The following GRIK4 variants were observed in gnomAD, a reference collection of about 807,000 sequenced individuals.
GRIK4 encodes the protein glutamate ionotropic receptor kainate type subunit 4.
Under a neutral mutation model 104.9 loss-of-function variants are expected in GRIK4, and 40 were observed. The observed-to-expected ratio is 0.38, with a 90% CI of 0.30 to 0.50. GRIK4 has a LOEUF of 0.50. Ranked by LOEUF, GRIK4 falls within the 20% of genes least tolerant of loss-of-function variation. GRIK4 has a pLI of 0.93. For synonymous variants in GRIK4, 485 were observed against 524.9 expected, an observed-to-expected ratio of 0.92 and a Z score of 1.04; for missense variants, 1,047 against 1,308.1, an observed-to-expected ratio of 0.80 and a Z score of 3.08.
chr11:120,856,176 G>A (rs931316796), intron 8 of GRIK4, among the ~76,000 whole-genome samples: 2 of 152,238 alleles, frequency 1.3e-5, no homozygotes, highest in African/African-American at 4.8e-5. Flanking sequence ...CACTTTACAG[G>A]TGAACACATC....
At chr11:120,547,954 G>A (rs1948102366) in intron 1 of GRIK4, among the ~76,000 whole-genome samples, 1 of 152,202 alleles carries the variant, frequency 6.6e-6, no homozygotes. Context: ...AGGGTGGGCG[G>A]AGCTGCCCGG....
At chr11:120,770,414 T>C (rs1951919534) in intron 3 of GRIK4, among the ~76,000 whole-genome samples, 1 of 152,234 alleles carries the variant, frequency 6.6e-6, no homozygotes, top group African/African-American at 2.4e-5. Flanking sequence ...GTTACCTCTT[T>C]TAGTGGCAAA....
intron 3 of GRIK4, among the ~76,000 whole-genome samples, chr11:120,697,765 G>C (rs1411061207): frequency 1.3e-5 from 2 of 152,164 alleles, no homozygotes; most frequent in African/African-American, 4.8e-5. Context: ...ATACTCCTAG[G>C]GCGTGATTTA....
intron 11 of GRIK4, among the ~76,000 whole-genome samples, chr11:120,890,943 C>T (rs1264693211): frequency 6.6e-6 from 1 of 152,212 alleles, no homozygotes; most frequent in Non-Finnish European, 1.5e-5. Context: ...GAACAATCAT[C>T]TAAATGTACA....
intron 1 of GRIK4, among the ~76,000 whole-genome samples, chr11:120,543,346 G>A (rs1298488835): frequency 2.0e-5 from 3 of 152,186 alleles, no homozygotes; most frequent in Non-Finnish European, 2.9e-5. Context: ...TCTGAGGCAG[G>A]TGGATCACCT....
chr11:120,541,313 G>A (rs1948033082), intron 1 of GRIK4, among the ~76,000 whole-genome samples: 1 of 152,228 alleles, frequency 6.6e-6, no homozygotes, highest in Non-Finnish European at 1.5e-5. Context: ...TTATCACGGT[G>A]TGTTGAAACT....
intron 3 of GRIK4, among the ~76,000 whole-genome samples, chr11:120,785,492 G>A (rs114706469): frequency 0.012 from 1,875 of 152,274 alleles, 45 homozygotes; most frequent in African/African-American, 0.041. Flanking sequence ...TAGAATTGTC[G>A]GTGATGCCAG....
rs1045301636 is a variant in GRIK4 at position 120,791,993 on chromosome 11, G to A, written c.83-10700G>A. Among the ~76,000 whole-genome samples the A allele has an allele frequency of 4.6e-5, 7 of 152,192 alleles. No individual in the cohort carries two copies. In the South Asian group the frequency reaches 8.3e-4, roughly 18 times the overall value. On this transcript the variant is annotated intron_variant, in intron 3 of 20. Transcript: ENST00000527524. The stretch of plus-strand genomic sequence containing the variant: ...TCTTGAAGTTCTCCTGCTGTCAGGC[G>A]AGGTCATTGCATTGGGGATGGGAAG...
Position 120,549,559 on chromosome 11 carries a change from G to C in GRIK4, c.-159+37672G>C, listed in dbSNP as rs909965310. Among the ~76,000 whole-genome samples the C allele has an allele frequency of 2.0e-5, 3 of 152,228 alleles. No individual in the cohort carries two copies. The highest frequency in any genetic ancestry group is 4.4e-5 in the Non-Finnish European group (3 of 68,046). ...CTTTCCTGTAAGAGGTGAGGGCAGAGACAGGATAGGGAGGGGCACAGCAGG... is the reference window on the plus strand; with the variant it reads ...CTTTCCTGTAAGAGGTGAGGGCAGACACAGGATAGGGAGGGGCACAGCAGG... On this transcript the variant is annotated intron_variant, in intron 1 of 20. Coordinates refer to ENST00000527524, the MANE Select transcript of GRIK4 (RefSeq NM_014619.5). This position sits in a 1 kb window ranked among gnomAD's most constrained non-coding sequence, Gnocchi z 4.7.
intron 3 of GRIK4, among the ~76,000 whole-genome samples, chr11:120,759,250 A>G (rs750693499): frequency 6.6e-6 from 1 of 152,238 alleles, no homozygotes; most frequent in Non-Finnish European, 1.5e-5. Flanking sequence ...TTTGGTTGCA[A>G]GTCACAGAAA....
chr11:120,523,926 CTTT>C lies in GRIK4; in HGVS notation c.-159+12053_-159+12055del, dbSNP rs35679853. On this transcript the variant is annotated intron_variant, in intron 1 of 20. Coordinates refer to ENST00000527524, the MANE Select transcript of GRIK4 (RefSeq NM_014619.5). ...CACAGGGACTGTTTGCTTCTGCATT[CTTT>C]TTTTTTTTTTTTTCCTGAGACGGAG... Among the ~76,000 whole-genome samples the C allele has an allele frequency of 6.2e-4, 88 of 141,606 alleles. 1 individual carries two copies. The highest frequency in any genetic ancestry group is 3.7e-3 in the Middle Eastern group (1 of 270). The allele number at this position is 141,606 out of a possible 152,430, so 92.9% of individuals were successfully genotyped here. A position where few individuals can be genotyped will look rare whatever the true frequency, so the allele number is the denominator to read the frequency against.
intron 3 of GRIK4, among the ~76,000 whole-genome samples, chr11:120,726,269 G>A (rs1207224674): frequency 6.6e-6 from 1 of 152,168 alleles, no homozygotes; most frequent in African/African-American, 2.4e-5. Flanking sequence ...GAATGTTATT[G>A]TTTGCAGTAG....
Position 120,819,817 on chromosome 11 carries a change from C to G in GRIK4, c.408C>G (p.Thr136=). The G allele has an allele frequency of 6.2e-7, 1 of 1,614,080 alleles. No individual in the cohort carries two copies. The highest frequency in any genetic ancestry group is 8.5e-7 in the Non-Finnish European group (1 of 1,179,902). The change falls in exon 6 of 21, where the codon ACC becomes ACG. Residue 136 remains threonine (T), a synonymous_variant. Transcript: ENST00000527524. The surrounding 1 kb of genome is among the most constrained non-coding windows in gnomAD (Gnocchi z 4.3). ...AGTTCCAGTTCCAGAGATTCACAAC[C>G]CTGAACCTCCACCCCAGCAACACTG... The part of the protein sequence containing the change: ...FVKFQFQRFT[T]LNLHPSNTDI...
chr11:120,952,336 G>A lies in GRIK4; in HGVS notation c.1591-519G>A, dbSNP rs761577801. 7.2e-5 allele frequency among the ~76,000 whole-genome samples: 11 copies of A among 152,226 alleles called. No homozygotes were observed. Among genetic ancestry groups the A allele is most frequent in the Non-Finnish European group, 1.5e-4 (10 of 68,012 alleles). On this transcript the variant is annotated intron_variant, in intron 14 of 20. Transcript: ENST00000527524. The surrounding 1 kb of genome is among the most constrained non-coding windows in gnomAD (Gnocchi z 5.2). ...ACTTGTAAAATGAGAATAATAATTT[G>A]TGCCTCCCAGGACTGTTTTGAGGTT...
At chr11:120,799,327 G>T (rs3020184) in intron 3 of GRIK4, among the ~76,000 whole-genome samples, 1 of 152,134 alleles carries the variant, frequency 6.6e-6, no homozygotes. Context: ...AGGGAGAAGG[G>T]AGGAGGGGGA....
chr11:120,958,705 T>C (rs1944223432), intron 16 of GRIK4, among the ~76,000 whole-genome samples: 1 of 152,246 alleles, frequency 6.6e-6, no homozygotes. Context: ...ACTGAGCCGC[T>C]TGTGCCCTCT....
At chr11:120,709,435 C>T (rs1950686951) in intron 3 of GRIK4, among the ~76,000 whole-genome samples, 1 of 152,120 alleles carries the variant, frequency 6.6e-6, no homozygotes, top group South Asian at 2.1e-4. Context: ...TAAGTTCTGT[C>T]ATCTGAAAAT....
At chr11:120,859,758 G>A (rs531723148) in intron 8 of GRIK4, among the ~76,000 whole-genome samples, 4 of 152,236 alleles carry the variant, frequency 2.6e-5, no homozygotes, top group East Asian at 1.9e-4. Context: ...AGAGATAGGA[G>A]ATAATATCAG....
In GRIK4 at chr11:120,802,777, C is replaced by G. The variant is rs1952644789; in HGVS notation, c.167C>G (p.Pro56Arg). The G allele has an allele frequency of 6.2e-7, 1 of 1,614,048 alleles. No individual in the cohort carries two copies. The highest frequency in any genetic ancestry group is 1.7e-5 in the Admixed American group (1 of 60,008). ...GCCAAGAACCGCATCAACCGCGCTCCTGAGAGGCTGGGCAAGGCCAAGGTC... is the reference window on the plus strand; with the variant it reads ...GCCAAGAACCGCATCAACCGCGCTCGTGAGAGGCTGGGCAAGGCCAAGGTC... ...TLAKNRINRA[P>R]ERLGKAKVEV... Residue 56 changes from proline to arginine, a missense_variant, in exon 4 of 21, where the codon CCT becomes CGT. Transcript: ENST00000527524.
Sources: allele counts gnomAD v4.1 joint callset (sites outside exome capture counted in the v4.1 genomes callset), GRCh38; gene constraint gnomAD v4.1.1; non-coding constraint Gnocchi (gnomAD v3.1); transcripts MANE v1.5; gene names NCBI Gene and HGNC (gene_info 2026-07-23, HGNC 2026-07-21).